PSMA5: variants seen among roughly 807,000 people sequenced by gnomAD.
PSMA5 encodes proteasome 20S subunit alpha 5.
PSMA5 carries 3 observed loss-of-function variants against 34.5 expected under a neutral mutation model. That is an observed-to-expected ratio of 0.09 (90% confidence interval 0.04 to 0.22). The LOEUF (loss-of-function observed/expected upper bound fraction) is 0.22. Among genes scored for constraint, PSMA5 ranks in the 10% least tolerant of loss-of-function variants. PSMA5 has a pLI of 1.00. For synonymous variants in PSMA5, 88 were observed against 95.8 expected, an observed-to-expected ratio of 0.92 and a Z score of 0.47; for missense variants, 120 against 286.1, an observed-to-expected ratio of 0.42 and a Z score of 4.19.
intron 7 of PSMA5, among the ~76,000 whole-genome samples, chr1:109,410,384 A>G (rs1157372828): frequency 6.6e-6 from 1 of 152,232 alleles, no homozygotes; most frequent in African/African-American, 2.4e-5. Flanking sequence ...GAGGTAGCCC[A>G]ATGGTTTAGA....
At chr1:109,416,887 A>T (rs1245369608) in intron 2 of PSMA5, among the ~76,000 whole-genome samples, 1 of 152,144 alleles carries the variant, frequency 6.6e-6, no homozygotes, top group African/African-American at 2.4e-5. Context: ...GGCAGATTGC[A>T]TGAGTCCAGG....
intron 8 of PSMA5, among the ~76,000 whole-genome samples, chr1:109,405,899 C>G (rs1416480410): frequency 6.6e-6 from 1 of 151,970 alleles, no homozygotes; most frequent in South Asian, 2.1e-4. Flanking sequence ...GGAACCTGAA[C>G]AAAAGGCGGC....
At chr1:109,415,177 T>A in intron 3 of PSMA5, 60 bp downstream of exon 3, 1 of 1,551,306 alleles carries the variant, frequency 6.4e-7, no homozygotes, top group Non-Finnish European at 8.7e-7. Flanking sequence ...CCTTGGAACA[T>A]CATAGAGGAC....
chr1:109,424,379 A>G (rs528526395), intron 1 of PSMA5, among the ~76,000 whole-genome samples: 1 of 152,080 alleles, frequency 6.6e-6, no homozygotes, highest in African/African-American at 2.4e-5. Flanking sequence ...AGGTCTCACT[A>G]TGTTGCCCAG....
Position 109,401,821 on chromosome 1 carries a change from C to G in PSMA5, c.*192G>C. On this transcript the variant is annotated 3_prime_UTR_variant, in exon 9 of 9. Coordinates refer to ENST00000271308, the MANE Select transcript of PSMA5 (RefSeq NM_002790.4). ...CTTAAAAAAAAAAAAAAAAAAAAGA[C>G]TATTAGAAGAGAACAGTCTATTAAC... The G allele has an allele frequency of 3.7e-6, 1 of 273,098 alleles. No individual in the cohort carries two copies. 16.9% of individuals were successfully genotyped at this position (273,098 alleles called of 1,614,324 possible). A position where few individuals can be genotyped will look rare whatever the true frequency, so the allele number is the denominator to read the frequency against.
chr1:109,415,535 T>G lies in PSMA5; in HGVS notation c.97-172A>C, dbSNP rs185847011. Among the ~76,000 whole-genome samples the G allele has an allele frequency of 2.0e-5, 3 of 152,338 alleles. No homozygotes were observed. The East Asian group carries it at 5.8e-4, about 29-fold the overall frequency. On this transcript the variant is annotated intron_variant, in intron 2 of 8. Coordinates refer to ENST00000271308, the MANE Select transcript of PSMA5 (RefSeq NM_002790.4). ...GTAAGTAATTAATATACTATTCCTG[T>G]CAATAGCAAGAACATTGATTTACAG...
chr1:109,417,422 G>C (rs1472796325), intron 2 of PSMA5, among the ~76,000 whole-genome samples: 1 of 152,166 alleles, frequency 6.6e-6, no homozygotes, highest in Non-Finnish European at 1.5e-5. Flanking sequence ...AAATGGAAAT[G>C]AACAAGGAGC....
intron 8 of PSMA5, among the ~76,000 whole-genome samples, chr1:109,406,745 TG>T (rs1653777248): frequency 6.6e-6 from 1 of 152,064 alleles, no homozygotes; most frequent in Non-Finnish European, 1.5e-5. Context: ...TAGATCAATG[TG>T]GGGGAAGAGA....
At chr1:109,405,447 GT>G (rs11390638) in intron 8 of PSMA5, among the ~76,000 whole-genome samples, 23 of 118,292 alleles carry the variant, frequency 1.9e-4, no homozygotes, top group Non-Finnish European at 2.1e-4. Flanking sequence ...GTCAGAAAAG[GT>G]TTTTTTTTTT....
chr1:109,413,643 T>C (rs1278796210), intron 3 of PSMA5, among the ~76,000 whole-genome samples: 2 of 152,226 alleles, frequency 1.3e-5, no homozygotes, highest in African/African-American at 2.4e-5. Context: ...ATTATGGCTA[T>C]AACTGTTATT....
rs761418233 is a variant in PSMA5, at chr1:109,411,108, T to A, written c.464A>T (p.His155Leu). Residue 155 changes from histidine to leucine, a missense_variant, in exon 7 of 9, where the codon CAT (histidine) becomes CTT (leucine). This residue lies in a region of PSMA5 where 83 missense variants were observed against 203.2 expected (regional missense o/e 0.41). Coordinates refer to ENST00000271308, the MANE Select transcript of PSMA5 (RefSeq NM_002790.4). ...GVDEKGPQLF[H>L]MDPSGTFVQC... is the part of the protein sequence containing the mutation. The stretch of plus-strand genomic sequence containing the variant: ...TACAAAGGTCCCAGATGGGTCCATA[T>A]GAAACCTGCAAAACCCCCAAAATGA... 6.2e-7 allele frequency: 1 copy of A among 1,611,744 alleles called. No homozygotes were observed. The highest frequency in any genetic ancestry group is 1.3e-5 in the African/African-American group (1 of 74,880).
chr1:109,416,038 T>C (rs1031854592), intron 2 of PSMA5, among the ~76,000 whole-genome samples: 3 of 152,286 alleles, frequency 2.0e-5, no homozygotes, highest in African/African-American at 7.2e-5. Context: ...TCTATGCCCA[T>C]TTCCTGCAAA....
chr1:109,426,220 C>T, intron 1 of PSMA5, 82 bp downstream of exon 1: 1 of 1,571,206 alleles, frequency 6.4e-7, no homozygotes, highest in South Asian at 1.1e-5. Flanking sequence ...AGCCCCATGA[C>T]ACGGCAGAAC....
chr1:109,418,440 A>T (rs58381948), intron 2 of PSMA5, among the ~76,000 whole-genome samples: 7,034 of 152,130 alleles, frequency 0.046, 550 homozygotes, highest in African/African-American at 0.16. Context: ...CTAAGCCTGC[A>T]AAATAGCTAA....
At chr1:109,402,362 A>C (rs1328920319) in intron 8 of PSMA5, among the ~76,000 whole-genome samples, 1 of 152,252 alleles carries the variant, frequency 6.6e-6, no homozygotes, top group Non-Finnish European at 1.5e-5. Context: ...TCTTGAAGTC[A>C]CTTCAACAGG....
intron 8 of PSMA5, among the ~76,000 whole-genome samples, chr1:109,406,626 A>T (rs1054358458): frequency 6.6e-6 from 1 of 152,222 alleles, no homozygotes; most frequent in African/African-American, 2.4e-5. Flanking sequence ...TGAGCTCATG[A>T]GTTCAAGACC....
At position 109,399,432 on chromosome 1, in the gene PSMA5, T is replaced by C. The variant is rs1173807391; in HGVS notation, c.*2581A>G. ...TAGATCACAAGACAGTCAGTTCCAG[T>C]AGCATGTGATTAGGTGGGGGGAGGA... is the stretch of plus-strand genomic sequence containing the variant. On this transcript the variant is annotated 3_prime_UTR_variant, in exon 9 of 9. Coordinates refer to ENST00000271308, the MANE Select transcript of PSMA5 (RefSeq NM_002790.4). The C allele has an allele frequency of 6.6e-6, 1 of 150,546 alleles. No homozygotes were observed. Among genetic ancestry groups the C allele is most frequent in the Admixed American group, 6.6e-5 (1 of 15,060 alleles). The allele number at this position is 150,546 out of a possible 1,614,324, so 9.3% of individuals were successfully genotyped here.
In PSMA5 at chr1:109,411,002, C is replaced by T; in HGVS notation, c.561+9G>A. The stretch of plus-strand genomic sequence containing the variant: ...AAAAATAGTAAGAGTTGTGAGAATA[C>T]TTAATTACCTTGTGGTAAACTTCTT... On this transcript the variant is annotated intron_variant, in intron 7 of 8. Transcript: ENST00000271308. The T allele has an allele frequency of 1.3e-6, 2 of 1,586,002 alleles. No homozygotes were observed. The highest frequency in any genetic ancestry group is 1.7e-5 in the Admixed American group (1 of 59,498).
chr1:109,405,912 TG>T (rs1420824786), intron 8 of PSMA5, among the ~76,000 whole-genome samples: 2 of 152,082 alleles, frequency 1.3e-5, no homozygotes, highest in Non-Finnish European at 2.9e-5. Flanking sequence ...AAGGCGGCAC[TG>T]GAAGTAGGGA....
Sources: allele counts gnomAD v4.1 joint callset (sites outside exome capture counted in the v4.1 genomes callset), GRCh38; gene constraint gnomAD v4.1.1; regional missense constraint gnomAD v4.1.1; transcripts MANE v1.5; gene names NCBI Gene and HGNC (gene_info 2026-07-23, HGNC 2026-07-21).